SLC38A1: variants seen among roughly 807,000 people sequenced by gnomAD.
The protein encoded by SLC38A1 is sodium-coupled neutral amino acid symporter 1.
Under a neutral mutation model 60.3 loss-of-function variants are expected in SLC38A1, and 18 were observed. The observed-to-expected ratio is 0.30, with a 90% CI of 0.21 to 0.44. The LOEUF (loss-of-function observed/expected upper bound fraction) is 0.44, where lower values mean the gene tolerates loss of function less well. SLC38A1 is among the 20% of genes least tolerant of loss of function. The pLI is 1.00. For missense variants in SLC38A1, 448 were observed against 587.2 expected (o/e 0.76, Z 2.45); for synonymous variants, 196 against 212.1 (o/e 0.92, Z 0.66).
rs1941221154 is a variant in SLC38A1 at position 46,235,292 on chromosome 12, T to G, written c.122+4387A>C. Among the ~76,000 whole-genome samples the G allele has an allele frequency of 1.3e-5, 2 of 152,238 alleles. 1 individual carries two copies. Among genetic ancestry groups the G allele is most frequent in the South Asian group, 4.1e-4 (2 of 4,828 alleles). ...CTATTTTAATCAGGTTCTTACTAGA[T>G]TATACTGTTTCCTCTGAGAATTCAT... On this transcript the variant is annotated intron_variant, in intron 3 of 16. Transcript: ENST00000398637.
chr12:46,241,991 C>A (rs1449734811), intron 2 of SLC38A1, among the ~76,000 whole-genome samples: 1 of 152,088 alleles, frequency 6.6e-6, no homozygotes, highest in Non-Finnish European at 1.5e-5. Flanking sequence ...AATAATAGAT[C>A]CCGAGTCTAC....
chr12:46,210,613 G>T (rs1033631287), intron 5 of SLC38A1, among the ~76,000 whole-genome samples: 3 of 152,074 alleles, frequency 2.0e-5, no homozygotes, highest in African/African-American at 7.2e-5. Flanking sequence ...GTTTTGGGAG[G>T]GACCCGGTGG....
chr12:46,260,449 A>C (rs960528216), intron 1 of SLC38A1, among the ~76,000 whole-genome samples: 1 of 152,244 alleles, frequency 6.6e-6, no homozygotes, highest in Non-Finnish European at 1.5e-5. Context: ...GATCATGATC[A>C]TGCCACTTAA....
rs541401202 is a variant in SLC38A1 at position 46,195,783 on chromosome 12, C to T, written c.1362+1937G>A. 1.6e-4 allele frequency: 34 copies of T among 218,842 alleles called. No individual in the cohort carries two copies. In the South Asian group the frequency reaches 2.2e-3, roughly 14 times the overall value. The allele number at this position is 218,842 out of a possible 1,614,324, so 13.6% of individuals were successfully genotyped here. On this transcript the variant is annotated intron_variant, in intron 16 of 16. Transcript: ENST00000398637. ...CAGGCACGGGAGGGTATTACCTGGT[C>T]TGCCAGTTGCTAAGACTGTGGGAAA... is the stretch of plus-strand genomic sequence containing the variant.
At chr12:46,261,984 A>G (rs1942211314) in intron 1 of SLC38A1, among the ~76,000 whole-genome samples, 1 of 152,218 alleles carries the variant, frequency 6.6e-6, no homozygotes, top group Non-Finnish European at 1.5e-5. Context: ...ACAGCCACAC[A>G]CAACAAAGAG....
rs971324775 is a variant in SLC38A1, at chr12:46,207,084, G to A, written c.563+71C>T. On this transcript the variant is annotated intron_variant, in intron 8 of 16. Transcript: ENST00000398637. ...AACTTTCTGCAATATTCACAAGCAA[G>A]AATTTTGATTGGCCCATATTTAAAT... 11 of 1,045,230 alleles carry A rather than the reference G, an allele frequency of 1.1e-5. No individual in the cohort carries two copies. In the African/African-American group the frequency reaches 1.5e-4, roughly 14 times the overall value. The allele number at this position is 1,045,230 out of a possible 1,614,324, so 64.7% of individuals were successfully genotyped here. A position where few individuals can be genotyped will look rare whatever the true frequency, so the allele number is the denominator to read the frequency against.
chr12:46,262,377 T>TAA (rs143810110), intron 1 of SLC38A1, among the ~76,000 whole-genome samples: 5,713 of 148,672 alleles, frequency 0.038, 209 homozygotes, highest in East Asian at 0.12. Flanking sequence ...ATATTACATT[T>TAA]AAAAAAAAAA....
intron 5 of SLC38A1, among the ~76,000 whole-genome samples, chr12:46,225,412 A>G (rs1323556543): frequency 6.6e-6 from 1 of 152,176 alleles, no homozygotes. Flanking sequence ...TAGGTGAGAG[A>G]CTAGGCACAA....
intron 1 of SLC38A1, among the ~76,000 whole-genome samples, chr12:46,248,705 C>T (rs1211835520): frequency 6.6e-6 from 1 of 152,172 alleles, no homozygotes. Flanking sequence ...CACCCCAAAT[C>T]AACAAAATAT....
chr12:46,216,704 C>CA (rs1294468709), intron 5 of SLC38A1, among the ~76,000 whole-genome samples: 1 of 152,056 alleles, frequency 6.6e-6, no homozygotes, highest in African/African-American at 2.4e-5. Flanking sequence ...TACTAAAATA[C>CA]AAAAAATGAC....
chr12:46,214,183 A>G (rs1344565870), intron 5 of SLC38A1, among the ~76,000 whole-genome samples: 1 of 152,254 alleles, frequency 6.6e-6, no homozygotes, highest in East Asian at 1.9e-4. Flanking sequence ...GGATTAAATT[A>G]GCCTATTTCT....
intron 2 of SLC38A1, among the ~76,000 whole-genome samples, 153 bp from the exon 3 acceptor site, chr12:46,240,046 A>G (rs567798603): frequency 6.6e-6 from 1 of 152,316 alleles, no homozygotes; most frequent in Non-Finnish European, 1.5e-5. Context: ...CTATCAAGTT[A>G]TGGAGGTGTA....
At position 46,204,488 on chromosome 12, in the gene SLC38A1, T is replaced by C. The variant is rs777319610; in HGVS notation, c.705+44A>G. The C allele has an allele frequency of 4.4e-6, 7 of 1,599,484 alleles. No homozygotes were observed. In the South Asian group the frequency reaches 7.7e-5, roughly 18 times the overall value. On this transcript the variant is annotated intron_variant, in intron 10 of 16. Transcript: ENST00000398637. ...CCAATGAATAATTATTACATGCCAT[T>C]GTACTATCACAAAACCAAACCAACC...
chr12:46,230,077 A>G (rs1249121276), intron 3 of SLC38A1, among the ~76,000 whole-genome samples: 1 of 152,230 alleles, frequency 6.6e-6, no homozygotes, highest in African/African-American at 2.4e-5. Flanking sequence ...ATTAGATAAT[A>G]TCAAGACTAC....
chr12:46,257,601 A>T (rs1261671316), intron 1 of SLC38A1, among the ~76,000 whole-genome samples: 1 of 151,904 alleles, frequency 6.6e-6, no homozygotes, highest in African/African-American at 2.4e-5. Context: ...GAAAAATGTT[A>T]CCAGACCCCA....
chr12:46,198,446 G>A (rs555057977), intron 14 of SLC38A1, among the ~76,000 whole-genome samples, 179 bp downstream of exon 14: 7 of 152,152 alleles, frequency 4.6e-5, no homozygotes, highest in African/African-American at 9.7e-5. Context: ...GCTCCCTGAC[G>A]CACTGAATGC....
chr12:46,210,766 GTGT>G (rs918760410), intron 5 of SLC38A1, among the ~76,000 whole-genome samples: 4 of 152,172 alleles, frequency 2.6e-5, no homozygotes, highest in African/African-American at 9.7e-5. Flanking sequence ...CAAGTAAAAT[GTGT>G]TGTTCGCCTT....
At chr12:46,242,540 G>A (rs1356819191) in intron 2 of SLC38A1, among the ~76,000 whole-genome samples, 2 of 152,046 alleles carry the variant, frequency 1.3e-5, no homozygotes, top group African/African-American at 4.8e-5. Flanking sequence ...GGGATGCCCA[G>A]GCAGGCAGAT....
chr12:46,234,900 T>C (rs1213860950), intron 3 of SLC38A1, among the ~76,000 whole-genome samples: 1 of 152,212 alleles, frequency 6.6e-6, no homozygotes, highest in Non-Finnish European at 1.5e-5. Flanking sequence ...ATATTTCTCT[T>C]TATTGACTTT....
Sources: gnomAD v4.1 joint callset for allele counts (sites outside exome capture counted in the v4.1 genomes callset) on GRCh38, gnomAD v4.1.1 for gene constraint, MANE v1.5 for transcripts, NCBI Gene and HGNC (gene_info 2026-07-23, HGNC 2026-07-21) for gene names.